Variants in THSD7A observed in about 807,000 individuals in gnomAD.
THSD7A encodes the protein thrombospondin type 1 domain containing 7A.
THSD7A carries 96 observed loss-of-function variants against 231.3 expected under a neutral mutation model. That is an observed-to-expected ratio of 0.41 (90% confidence interval 0.35 to 0.49). THSD7A has a LOEUF of 0.49. Ranked by LOEUF, THSD7A falls within the 20% of genes least tolerant of loss-of-function variation. The pLI is 0.05. For missense variants in THSD7A, 2,290 were observed against 2,070.2 expected, an observed-to-expected ratio of 1.11 and a Z score of -2.06; for synonymous variants, 940 against 743.3, an observed-to-expected ratio of 1.26 and a Z score of -4.30.
Position 11,636,022 on chromosome 7 carries a change from G to T in THSD7A, c.1022+108C>A. ...TTAAATTTGGGGGTAGCTCATCCTA[G>T]GTTGTGCCCCTACGTAATCCAGAAG... On this transcript the variant is annotated intron_variant, in intron 2 of 27. Transcript: ENST00000423059. The surrounding 1 kb of genome is among the most constrained non-coding windows in gnomAD (Gnocchi z 10.0). 1 of 1,056,158 alleles carries T rather than the reference G, an allele frequency of 9.5e-7. No individual in the cohort carries two copies. Among genetic ancestry groups the T allele is most frequent in the Non-Finnish European group, 1.4e-6 (1 of 739,236 alleles). The allele number at this position is 1,056,158 out of a possible 1,614,324, so 65.4% of individuals were successfully genotyped here.
intron 11 of THSD7A, among the ~76,000 whole-genome samples, chr7:11,453,902 A>G (rs1045116771): frequency 7.2e-5 from 11 of 152,048 alleles, no homozygotes; most frequent in Admixed American, 4.6e-4. Context: ...ATGCAAATTT[A>G]ATGGCAATTC....
chr7:11,794,501 TC>T (rs557126041), intron 1 of THSD7A, among the ~76,000 whole-genome samples: 1 of 151,872 alleles, frequency 6.6e-6, no homozygotes, highest in Non-Finnish European at 1.5e-5. Flanking sequence ...CTTCCTTCTC[TC>T]CCCCCTGCCT....
intron 1 of THSD7A, among the ~76,000 whole-genome samples, chr7:11,729,715 A>G (rs1029132092): frequency 3.3e-5 from 5 of 151,836 alleles, no homozygotes; most frequent in African/African-American, 1.2e-4. Flanking sequence ...AAATCCATTC[A>G]TGGCCTTCTA....
chr7:11,707,323 G>T (rs2128147221), intron 1 of THSD7A, among the ~76,000 whole-genome samples: 1 of 151,034 alleles, frequency 6.6e-6, no homozygotes, highest in East Asian at 2.0e-4. Context: ...TTGCCCTTCT[G>T]GTTTGATTGC....
At chr7:11,597,310 G>C (rs1780399121) in intron 2 of THSD7A, among the ~76,000 whole-genome samples, 1 of 152,194 alleles carries the variant, frequency 6.6e-6, no homozygotes, top group African/African-American at 2.4e-5. Context: ...AATGGCTAGT[G>C]GGCTTATTTG....
rs375885516 is a variant in THSD7A at position 11,446,023 on chromosome 7, C to A, written c.3064+38G>T. The A allele has an allele frequency of 6.2e-7, 1 of 1,610,340 alleles. No homozygotes were observed. The highest frequency in any genetic ancestry group is 2.2e-5 in the East Asian group (1 of 44,840). ...CGTGTGCATTTTCCCTCCACACTCC[C>A]GAAGATAGCAAATATGTAACAATGA... On this transcript the variant is annotated intron_variant, in intron 13 of 27. Transcript: ENST00000423059. This position sits in a 1 kb window ranked among gnomAD's most constrained non-coding sequence, Gnocchi z 4.0.
intron 2 of THSD7A, among the ~76,000 whole-genome samples, chr7:11,611,627 T>C (rs1363763164): frequency 6.6e-6 from 1 of 151,888 alleles, no homozygotes; most frequent in Non-Finnish European, 1.5e-5. Context: ...GTACTTATAC[T>C]CATGCATTCA....
At chr7:11,670,532 T>C (rs948981176) in intron 1 of THSD7A, among the ~76,000 whole-genome samples, 3 of 152,314 alleles carry the variant, frequency 2.0e-5, no homozygotes, top group African/African-American at 7.2e-5. Flanking sequence ...AACCCAATGT[T>C]GACAAGTAAT....
chr7:11,450,512 T>A (rs1484366292), intron 11 of THSD7A, among the ~76,000 whole-genome samples: 1 of 152,004 alleles, frequency 6.6e-6, no homozygotes, highest in Non-Finnish European at 1.5e-5. Context: ...GTATTCTGAC[T>A]TAGAGGAAAC....
intron 1 of THSD7A, among the ~76,000 whole-genome samples, chr7:11,706,114 G>A (rs771583655): frequency 6.6e-6 from 1 of 150,888 alleles, no homozygotes. Flanking sequence ...ATTCCAGAAA[G>A]TTTGCTATTC....
chr7:11,406,859 G>A lies in THSD7A; in HGVS notation c.4062+51C>T. 1.9e-6 allele frequency: 3 copies of A among 1,575,796 alleles called. No homozygotes were observed. Among genetic ancestry groups the A allele is most frequent in the Non-Finnish European group, 2.6e-6 (3 of 1,154,196 alleles). ...ATTTTTATGTTTTTCTGCAGATGAA[G>A]TCTCTGCAGATAGAGTACACACTTC... On this transcript the variant is annotated intron_variant, in intron 21 of 27. Transcript: ENST00000423059. The surrounding 1 kb of genome is among the most constrained non-coding windows in gnomAD (Gnocchi z 4.7).
At chr7:11,668,643 T>A (rs1014575506) in intron 1 of THSD7A, among the ~76,000 whole-genome samples, 5 of 152,070 alleles carry the variant, frequency 3.3e-5, no homozygotes, top group Admixed American at 6.6e-5. Context: ...TGAACATGTA[T>A]AAGACACAAC....
intron 4 of THSD7A, among the ~76,000 whole-genome samples, chr7:11,571,072 T>C (rs1790607773): frequency 6.6e-6 from 1 of 152,188 alleles, no homozygotes; most frequent in Admixed American, 6.5e-5. Flanking sequence ...TGGTTTTCAA[T>C]GGGCTCAGCT....
chr7:11,419,574 C>G (rs1340094511), intron 16 of THSD7A, among the ~76,000 whole-genome samples: 2 of 152,086 alleles, frequency 1.3e-5, no homozygotes, highest in Non-Finnish European at 2.9e-5. Flanking sequence ...AGTGTGAAAA[C>G]AGACTAATAC....
intron 1 of THSD7A, among the ~76,000 whole-genome samples, chr7:11,738,607 A>C (rs6973826): frequency 0.25 from 37,690 of 151,790 alleles, 7,331 homozygotes; most frequent in African/African-American, 0.54. Context: ...AAACTGGTGA[A>C]ACTTGTGGTA....
At chr7:11,708,488 T>C (rs1415912476) in intron 1 of THSD7A, among the ~76,000 whole-genome samples, 1 of 150,724 alleles carries the variant, frequency 6.6e-6, no homozygotes, top group Non-Finnish European at 1.5e-5. Context: ...AATAGAAAAT[T>C]AGCAACTTGA....
intron 6 of THSD7A, among the ~76,000 whole-genome samples, chr7:11,513,695 T>C (rs1441894194): frequency 6.6e-6 from 1 of 152,074 alleles, no homozygotes; most frequent in African/African-American, 2.4e-5. Context: ...GTGATGAAAA[T>C]ATTTTGGAAC....
intron 13 of THSD7A, among the ~76,000 whole-genome samples, chr7:11,439,848 C>A (rs960233070): frequency 2.6e-5 from 4 of 151,980 alleles, no homozygotes; most frequent in African/African-American, 9.7e-5. Flanking sequence ...GAAGCTGCAG[C>A]AAGTTATCTC....
chr7:11,588,664 C>T (rs1297419911), intron 4 of THSD7A, among the ~76,000 whole-genome samples: 2 of 152,038 alleles, frequency 1.3e-5, no homozygotes, highest in Non-Finnish European at 2.9e-5. Context: ...AGTTGCAATT[C>T]AGAATTCTGA....
Sources: allele counts gnomAD v4.1 joint callset (sites outside exome capture counted in the v4.1 genomes callset), GRCh38; gene constraint gnomAD v4.1.1; non-coding constraint Gnocchi (gnomAD v3.1); transcripts MANE v1.5; gene names NCBI Gene and HGNC (gene_info 2026-07-23, HGNC 2026-07-21).